Variants in PARG observed in about 807,000 individuals in gnomAD.
PARG encodes the protein mitochondrial poly(ADP-ribose) glycohydrolase.
PARG carries 35 observed loss-of-function variants against 113.0 expected under a neutral mutation model. The ratio of observed to expected loss-of-function variants is 0.31; its 90% CI spans 0.24 to 0.41. The LOEUF (loss-of-function observed/expected upper bound fraction) is 0.41, where lower values mean the gene tolerates loss of function less well. Ranked by LOEUF, PARG falls within the 10% of genes least tolerant of loss-of-function variation. PARG has a pLI of 1.00. For synonymous variants in PARG, 330 were observed against 409.9 expected (o/e 0.81, Z 2.36); for missense variants, 797 against 1,169.4 (o/e 0.68, Z 4.64).
intron 1 of PARG, among the ~76,000 whole-genome samples, chr10:49,937,213 A>C (rs1364682464): frequency 6.6e-6 from 1 of 152,250 alleles, no homozygotes; most frequent in Non-Finnish European, 1.5e-5. Flanking sequence ...GCAGTGGCTT[A>C]TGCCTGTAAT....
chr10:49,907,399 G>A (rs1467728674), intron 7 of PARG, among the ~76,000 whole-genome samples: 2 of 151,996 alleles, frequency 1.3e-5, no homozygotes, highest in Non-Finnish European at 2.9e-5. Flanking sequence ...AAGACCATTG[G>A]CTTAGTCTTT....
chr10:49,897,300 T>C (rs1442688077), intron 7 of PARG, among the ~76,000 whole-genome samples: 3 of 152,224 alleles, frequency 2.0e-5, no homozygotes, highest in African/African-American at 4.8e-5. Flanking sequence ...ATGATGATGA[T>C]GATGCATTAT....
intron 9 of PARG, among the ~76,000 whole-genome samples, chr10:49,877,878 T>C (rs1383060061): frequency 7.4e-6 from 1 of 136,036 alleles, no homozygotes; most frequent in Non-Finnish European, 1.6e-5. Context: ...GCAGACAAGA[T>C]GCACCAATGG....
At chr10:49,822,199 C>T (rs1844128064) in intron 16 of PARG, among the ~76,000 whole-genome samples, 1 of 151,976 alleles carries the variant, frequency 6.6e-6, no homozygotes, top group Non-Finnish European at 1.5e-5. Flanking sequence ...TTGGTGTATA[C>T]TCATGATGTC....
intron 15 of PARG, among the ~76,000 whole-genome samples, chr10:49,834,560 T>C (rs928554395): frequency 2.6e-5 from 4 of 152,160 alleles, no homozygotes; most frequent in African/African-American, 9.7e-5. Flanking sequence ...AAAATGGCCA[T>C]AAAAACAAAC....
intron 9 of PARG, among the ~76,000 whole-genome samples, chr10:49,874,709 C>T (rs1320048030): frequency 2.0e-5 from 3 of 149,728 alleles, no homozygotes; most frequent in African/African-American, 4.9e-5. Flanking sequence ...AAAAAATTAG[C>T]CGGGCGTGGT....
chr10:49,940,011 T>G (rs1838945631), intron 1 of PARG, among the ~76,000 whole-genome samples: 2 of 152,248 alleles, frequency 1.3e-5, no homozygotes, highest in Non-Finnish European at 2.9e-5. Context: ...CTCTTAAACT[T>G]TGGTGTTCCT....
At position 49,895,497 on chromosome 10, in the gene PARG, G is replaced by A. The variant is rs1239086993; in HGVS notation, c.1738-10202C>T. 4.0e-5 allele frequency among the ~76,000 whole-genome samples: 6 copies of A among 151,740 alleles called. 1 individual carries two copies. The highest frequency in any genetic ancestry group is 1.5e-4 in the African/African-American group (6 of 41,356). On this transcript the variant is annotated intron_variant, in intron 7 of 17. Transcript: ENST00000616448. The stretch of plus-strand genomic sequence containing the variant: ...CGGCTCACTGCAACCTCCGCCTCCT[G>A]GGTTCAAGCAATTCTCCTGCCTCAG...
chr10:49,920,451 TAAA>T (rs781928566), intron 6 of PARG, among the ~76,000 whole-genome samples: 5 of 39,856 alleles, frequency 1.3e-4, no homozygotes, highest in East Asian at 4.7e-4. Flanking sequence ...AGCCTCAAAT[TAAA>T]AAAAAAAAAA....
chr10:49,906,148 T>TG, intron 7 of PARG, among the ~76,000 whole-genome samples: 1 of 140,682 alleles, frequency 7.1e-6, no homozygotes, highest in Non-Finnish European at 1.6e-5. Flanking sequence ...CTGCCGCTTT[T>TG]TTTTTTTTTT....
At chr10:49,918,993 T>C (rs2132868069) in intron 6 of PARG, among the ~76,000 whole-genome samples, 1 of 152,160 alleles carries the variant, frequency 6.6e-6, no homozygotes. Context: ...CAGGCTGGAG[T>C]GCAGTGGCAT....
At chr10:49,903,683 T>C (rs1848445699) in intron 7 of PARG, among the ~76,000 whole-genome samples, 1 of 151,346 alleles carries the variant, frequency 6.6e-6, no homozygotes, top group South Asian at 2.1e-4. Flanking sequence ...TCAGAGGAGA[T>C]AAAAACTGAG....
Position 49,935,093 on chromosome 10 carries a change from C to T in PARG, c.267G>A (p.Lys89=), listed in dbSNP as rs1838684278. 5.2e-6 allele frequency: 4 copies of T among 775,522 alleles called. No individual in the cohort carries two copies. The highest frequency in any genetic ancestry group is 2.1e-5 in the Admixed American group (1 of 48,406). The allele number at this position is 775,522 out of a possible 1,614,324, so 48.0% of individuals were successfully genotyped here. The change falls in exon 2 of 18, where the codon AAG becomes AAA. Residue 89 remains lysine, a synonymous_variant. Transcript: ENST00000616448. Reference sequence around the variant, plus strand: ...TTCTATACCTTTCTGATTCCGCTGTCTTGATTCCTTTAGTGTCCATCCAAC... The same window carrying T: ...TTCTATACCTTTCTGATTCCGCTGTTTTGATTCCTTTAGTGTCCATCCAAC... ...ITSWMDTKGI[K]TAESESLDSK... is the part of the protein sequence containing the mutation.
intron 4 of PARG, among the ~76,000 whole-genome samples, chr10:49,931,316 A>T (rs1457716726): frequency 5.3e-5 from 8 of 152,074 alleles, no homozygotes. Context: ...TGGGGACTAG[A>T]CTGCCACCGT....
intron 7 of PARG, among the ~76,000 whole-genome samples, chr10:49,912,391 G>A (rs1396690896): frequency 2.6e-5 from 4 of 152,132 alleles, no homozygotes; most frequent in South Asian, 2.1e-4. Flanking sequence ...AAGGCCGAGC[G>A]CGGTGGCTCA....
chr10:49,859,969 A>G lies in PARG; in HGVS notation c.2205+1619T>C, dbSNP rs1224203212. ...AGTCACTTTAAAGCTACTCATTCAGATTACTCAGCTTCTGAATTATAACTT... is the reference window on the plus strand; with the variant it reads ...AGTCACTTTAAAGCTACTCATTCAGGTTACTCAGCTTCTGAATTATAACTT... On this transcript the variant is annotated intron_variant, in intron 12 of 17. Coordinates refer to ENST00000616448, the MANE Select transcript of PARG (RefSeq NM_003631.5). Among the ~76,000 whole-genome samples, 6 of 152,118 alleles carry G rather than the reference A, an allele frequency of 3.9e-5. 1 individual carries two copies. The highest frequency in any genetic ancestry group is 1.4e-4 in the African/African-American group (6 of 41,400).
rs1395414065 is a variant in PARG at position 49,834,966 on chromosome 10, G to C, written c.2542-2058C>G. Among the ~76,000 whole-genome samples the C allele has an allele frequency of 3.3e-5, 5 of 152,158 alleles. No homozygotes were observed. The East Asian group carries it at 9.6e-4, about 29-fold the overall frequency. ...TCTGTTAAGAAGCAAGCATTTGTAAGGTCAGAAATAAGACAGCAGTAGTAT... is the reference window on the plus strand; with the variant it reads ...TCTGTTAAGAAGCAAGCATTTGTAACGTCAGAAATAAGACAGCAGTAGTAT... On this transcript the variant is annotated intron_variant, in intron 15 of 17. Transcript: ENST00000616448.
intron 13 of PARG, among the ~76,000 whole-genome samples, 190 bp downstream of exon 13, chr10:49,857,116 A>T (rs1339559020): frequency 6.6e-6 from 1 of 151,892 alleles, no homozygotes; most frequent in Non-Finnish European, 1.5e-5. Context: ...AGGTAAAAAT[A>T]AGATGTCTTA....
At chr10:49,892,453 T>C (rs1320894411) in intron 7 of PARG, among the ~76,000 whole-genome samples, 1 of 152,062 alleles carries the variant, frequency 6.6e-6, no homozygotes, top group Admixed American at 6.6e-5. Context: ...CAACTTGTTT[T>C]TGCCTTAAGA....
Sources: gnomAD v4.1 joint callset for allele counts (sites outside exome capture counted in the v4.1 genomes callset) on GRCh38, gnomAD v4.1.1 for gene constraint, MANE v1.5 for transcripts, NCBI Gene and HGNC (gene_info 2026-07-23, HGNC 2026-07-21) for gene names.